The following G3BP1 variants were observed in gnomAD, a reference collection of about 807,000 sequenced individuals.
G3BP1 encodes ras GTPase-activating protein-binding protein 1.
Under a neutral mutation model 58.6 loss-of-function variants are expected in G3BP1, and 35 were observed. The observed-to-expected ratio is 0.60, with a 90% CI of 0.46 to 0.79. The LOEUF (loss-of-function observed/expected upper bound fraction) is 0.79. Ranked by LOEUF, G3BP1 falls within the 30% of genes least tolerant of loss-of-function variation. G3BP1 has a pLI of 0.00. For synonymous variants in G3BP1, 191 were observed against 195.4 expected (o/e 0.98, Z 0.19); for missense variants, 523 against 580.8 (o/e 0.90, Z 1.02).
At position 151,788,572 on chromosome 5, in the gene G3BP1, ATGTGTGTG is replaced by A. The variant is rs10634385; in HGVS notation, c.96-1717_96-1710del. Among the ~76,000 whole-genome samples, 196 of 133,328 alleles carry A rather than the reference ATGTGTGTG, an allele frequency of 1.5e-3. 1 individual carries two copies. Among genetic ancestry groups the A allele is most frequent in the Middle Eastern group, 7.8e-3 (2 of 258 alleles). 87.5% of individuals were successfully genotyped at this position (133,328 alleles called of 152,430 possible). ...CACTACCATGCCCAGCTAAGTTTAT[ATGTGTGTG>A]TGTGTGTGTGTGTGTGTGTGTGTGT... On this transcript the variant is annotated intron_variant, in intron 2 of 11. Coordinates refer to ENST00000356245, the MANE Select transcript of G3BP1 (RefSeq NM_005754.3).
chr5:151,774,270 A>G (rs1762328282), intron 1 of G3BP1, among the ~76,000 whole-genome samples: 3 of 152,092 alleles, frequency 2.0e-5, no homozygotes, highest in African/African-American at 7.2e-5. Context: ...ACACTGCACC[A>G]GGGGAACATT....
At chr5:151,772,741 G>C (rs1171795705) in intron 1 of G3BP1, 2 of 152,266 alleles carry the variant, frequency 1.3e-5, no homozygotes, top group Admixed American at 1.3e-4. Flanking sequence ...GGCACGCACG[G>C]GAAGGGCGGG....
At chr5:151,775,007 T>A (rs1012944820) in intron 1 of G3BP1, among the ~76,000 whole-genome samples, 1 of 152,200 alleles carries the variant, frequency 6.6e-6, no homozygotes, top group Non-Finnish European at 1.5e-5. Context: ...GGTGATAGGG[T>A]TAAGAGTAGG....
chr5:151,796,664 A>G lies in G3BP1; in HGVS notation c.540-563A>G, dbSNP rs1762756894. Among the ~76,000 whole-genome samples, 2 of 152,198 alleles carry G rather than the reference A, an allele frequency of 1.3e-5. 1 individual carries two copies. The highest frequency in any genetic ancestry group is 4.1e-4 in the South Asian group (2 of 4,832). ...CCCCCAAATTCCTTATGTGCTTGAAAGAGTTTTTGTGTGTTTGTGTTAAAA... is the reference window on the plus strand; with the variant it reads ...CCCCCAAATTCCTTATGTGCTTGAAGGAGTTTTTGTGTGTTTGTGTTAAAA... On this transcript the variant is annotated intron_variant, in intron 6 of 11. Transcript: ENST00000356245.
At chr5:151,782,172 CTTAA>C (rs1762481702) in intron 1 of G3BP1, among the ~76,000 whole-genome samples, 1 of 152,040 alleles carries the variant, frequency 6.6e-6, no homozygotes, top group African/African-American at 2.4e-5. Flanking sequence ...CTGTTAGGCA[CTTAA>C]TTGTTATAAT....
chr5:151,784,343 A>G (rs1314544508), intron 1 of G3BP1, among the ~76,000 whole-genome samples: 1 of 152,170 alleles, frequency 6.6e-6, no homozygotes, highest in Non-Finnish European at 1.5e-5. Context: ...TTTTTTAGTA[A>G]TTAAACAGTG....
At chr5:151,789,340 G>A (rs2113232028) in intron 2 of G3BP1, among the ~76,000 whole-genome samples, 1 of 151,848 alleles carries the variant, frequency 6.6e-6, no homozygotes, top group South Asian at 2.1e-4. Flanking sequence ...TGGCACTCCA[G>A]CCTGAGCAAC....
rs897880177 is a variant in G3BP1, at chr5:151,808,621, A to G, written c.*4530A>G. The G allele has an allele frequency of 3.3e-5, 5 of 152,226 alleles. No individual in the cohort carries two copies. Among genetic ancestry groups the G allele is most frequent in the African/African-American group, 1.2e-4 (5 of 41,462 alleles). The allele number at this position is 152,226 out of a possible 1,614,324, so 9.4% of individuals were successfully genotyped here. ...CTTTAATAAATCATGTGACTTGGCC[A>G]ATTACAGAAATTCCTAAGTGTAGTA... On this transcript the variant is annotated 3_prime_UTR_variant, in exon 12 of 12. Transcript: ENST00000356245.
Position 151,797,245 on chromosome 5 carries a change from T to C in G3BP1, c.558T>C (p.His186=), listed in dbSNP as rs1762768148. 1.2e-6 allele frequency: 2 copies of C among 1,613,308 alleles called. No individual in the cohort carries two copies. The highest frequency in any genetic ancestry group is 4.5e-5 in the East Asian group (2 of 44,860). The change falls in exon 7 of 12, where the codon CAT becomes CAC. Residue 186 remains histidine (H), a synonymous_variant. Coordinates refer to ENST00000356245, the MANE Select transcript of G3BP1 (RefSeq NM_005754.3). Reference sequence around the variant, plus strand: ...GTCAAAGTAATGACATGGAAGAACATTTAGAGGAGCCTGTTGCTGAACCAG... The same window carrying C: ...GTCAAAGTAATGACATGGAAGAACACTTAGAGGAGCCTGTTGCTGAACCAG... ...QAVVSNDMEE[H]LEEPVAEPEP... is the part of the protein sequence containing the mutation.
At chr5:151,795,704 T>C (rs1377863382) in intron 6 of G3BP1, 129 bp downstream of exon 6, 3 of 540,988 alleles carry the variant, frequency 5.5e-6, no homozygotes, top group Non-Finnish European at 1.0e-5. Flanking sequence ...AAGAATGGTT[T>C]TGTTTCTGGT....
chr5:151,790,338 CTCT>C lies in G3BP1; in HGVS notation c.116_118del (p.Ser39del). 2 of 1,552,326 alleles carry C rather than the reference CTCT, an allele frequency of 1.3e-6. No homozygotes were observed. The highest frequency in any genetic ancestry group is 8.8e-7 in the Non-Finnish European group (1 of 1,142,298). On this transcript the variant is annotated inframe_deletion, in exon 3 of 12. Coordinates refer to ENST00000356245, the MANE Select transcript of G3BP1 (RefSeq NM_005754.3). ...CATTTTACAGATTTTATGGAAAGAA[CTCT>C]TCTTATGTCCATGGGGGATTGGATT...
chr5:151,806,083 C>G lies in G3BP1; in HGVS notation c.*1992C>G, dbSNP rs1013556303. ...GAAGGGTTGTTGGAGAGACATGCAT[C>G]TGGCATTTATTGGGTGGGGTCTAAG... On this transcript the variant is annotated 3_prime_UTR_variant, in exon 12 of 12. Coordinates refer to ENST00000356245, the MANE Select transcript of G3BP1 (RefSeq NM_005754.3). The G allele has an allele frequency of 1.3e-5, 2 of 152,144 alleles. No individual in the cohort carries two copies. The highest frequency in any genetic ancestry group is 4.8e-5 in the African/African-American group (2 of 41,422). The allele number at this position is 152,144 out of a possible 1,614,324, so 9.4% of individuals were successfully genotyped here.
At chr5:151,800,631 A>T in intron 10 of G3BP1, 129 bp from the exon 11 acceptor site, 2 of 668,660 alleles carry the variant, frequency 3.0e-6, no homozygotes, top group Non-Finnish European at 5.4e-6. Flanking sequence ...CTCAATTCAG[A>T]CTAGCTATAT....
intron 7 of G3BP1, among the ~76,000 whole-genome samples, chr5:151,798,241 T>C (rs957018108): frequency 1.1e-4 from 17 of 152,116 alleles, no homozygotes; most frequent in African/African-American, 1.7e-4. Context: ...TCCCACCTGC[T>C]TGGGAGGCTG....
rs1268381396 is a variant in G3BP1, at chr5:151,797,388, C to T, written c.701C>T (p.Ala234Val). Reference sequence around the variant, plus strand: ...GATGCTCAGAAGAGTTCTTCTCCAGCACCTGCAGACATAGCTCAGACAGTA... The same window carrying T: ...GATGCTCAGAAGAGTTCTTCTCCAGTACCTGCAGACATAGCTCAGACAGTA... The part of the protein sequence containing the change: ...PEDAQKSSSP[A>V]PADIAQTVQE... The change falls in exon 7 of 12, where the codon GCA (alanine) becomes GTA (valine). Residue 234 changes from alanine to valine, a missense_variant. Around this residue, in one of 2 missense-constraint regions of G3BP1, gnomAD observed 398 missense variants for 399.1 expected, o/e 1.00. Coordinates refer to ENST00000356245, the MANE Select transcript of G3BP1 (RefSeq NM_005754.3). 2.5e-6 allele frequency: 4 copies of T among 1,612,662 alleles called. No individual in the cohort carries two copies. Among genetic ancestry groups the T allele is most frequent in the Non-Finnish European group, 3.4e-6 (4 of 1,178,658 alleles).
At chr5:151,797,155 A>G in intron 6 of G3BP1, 72 bp from the exon 7 acceptor site, 1 of 1,453,812 alleles carries the variant, frequency 6.9e-7, no homozygotes, top group South Asian at 1.2e-5. Context: ...GTTTCTGATT[A>G]ATAAATGATG....
At chr5:151,788,572 A>ATGTGTGTGTG (rs10634385) in intron 2 of G3BP1, among the ~76,000 whole-genome samples, 3,287 of 133,184 alleles carry the variant, frequency 0.025, 60 homozygotes, top group Middle Eastern at 0.039. Flanking sequence ...CTAAGTTTAT[A>ATGTGTGTGTG]TGTGTGTGTG....
chr5:151,789,140 TAACAA>T (rs931827341), intron 2 of G3BP1, among the ~76,000 whole-genome samples: 3 of 151,676 alleles, frequency 2.0e-5, no homozygotes, highest in African/African-American at 7.3e-5. Context: ...ACATAAAACA[TAACAA>T]AAAGAAAAAA....
rs533188062 is a variant in G3BP1 at position 151,788,114 on chromosome 5, A to G, written c.95+1399A>G. 4.6e-5 allele frequency among the ~76,000 whole-genome samples: 7 copies of G among 152,014 alleles called. No individual in the cohort carries two copies. The South Asian group carries it at 1.0e-3, about 23-fold the overall frequency. On this transcript the variant is annotated intron_variant, in intron 2 of 11. Coordinates refer to ENST00000356245, the MANE Select transcript of G3BP1 (RefSeq NM_005754.3). The stretch of plus-strand genomic sequence containing the variant: ...AATTTTTTGTAGAGACAGTTTTACC[A>G]TGTTGCCCAGGCTGATCTCGAACTC...
Sources: gnomAD v4.1 joint callset for allele counts (sites outside exome capture counted in the v4.1 genomes callset) on GRCh38, gnomAD v4.1.1 for gene constraint, gnomAD v4.1.1 regional missense constraint, MANE v1.5 for transcripts, NCBI Gene and HGNC (gene_info 2026-07-23, HGNC 2026-07-21) for gene names.